AP1M1: variants seen among roughly 807,000 people sequenced by gnomAD.
AP1M1 encodes AP-1 complex subunit mu-1.
AP1M1 carries 18 observed loss-of-function variants against 57.1 expected under a neutral mutation model. The ratio of observed to expected loss-of-function variants is 0.32; its 90% confidence interval spans 0.22 to 0.47. The LOEUF (loss-of-function observed/expected upper bound fraction) is 0.47, where lower values mean the gene tolerates loss of function less well. AP1M1 is among the 20% of genes least tolerant of loss of function. The pLI is 1.00. For missense variants in AP1M1, 362 were observed against 593.5 expected, an observed-to-expected ratio of 0.61 and a Z score of 4.05; for synonymous variants, 241 against 237.9, an observed-to-expected ratio of 1.01 and a Z score of -0.12.
chr19:16,228,293 A>G lies in AP1M1; in HGVS notation c.888+85A>G. ...CCTAACCGAGGGCTGGGGGTGCCGT[A>G]GGGCTGCCATCCGTGCACCCTCACT... is the stretch of plus-strand genomic sequence containing the variant. On this transcript the variant is annotated intron_variant, in intron 8 of 11. Transcript: ENST00000291439. This position sits in a 1 kb window ranked among gnomAD's most constrained non-coding sequence, Gnocchi z 5.0. 2 of 1,401,846 alleles carry G rather than the reference A, an allele frequency of 1.4e-6. No individual in the cohort carries two copies. Among genetic ancestry groups the G allele is most frequent in the South Asian group, 2.4e-5 (2 of 84,314 alleles). 86.8% of individuals were successfully genotyped at this position (1,401,846 alleles called of 1,614,324 possible).
At chr19:16,198,563 T>C (rs1450606672) in intron 1 of AP1M1, among the ~76,000 whole-genome samples, 1 of 152,152 alleles carries the variant, frequency 6.6e-6, no homozygotes, top group African/African-American at 2.4e-5. Flanking sequence ...TTCATTGTGA[T>C]AGTGAGTTAC....
At chr19:16,234,135 G>C in intron 10 of AP1M1, 64 bp from the exon 11 acceptor site, 1 of 1,522,710 alleles carries the variant, frequency 6.6e-7, no homozygotes. Context: ...CAGCAGGAAA[G>C]ATTAAGGGGG....
chr19:16,234,296 G>C (rs1423515998), intron 11 of AP1M1, 22 bp downstream of exon 11: 34 of 1,613,328 alleles, frequency 2.1e-5, no homozygotes, highest in Non-Finnish European at 2.9e-5. Context: ...CCTACCCGTG[G>C]GGTGGGGTTG....
intron 5 of AP1M1, among the ~76,000 whole-genome samples, chr19:16,211,117 CAG>C (rs1430208917): frequency 7.1e-6 from 1 of 141,570 alleles, no homozygotes; most frequent in Non-Finnish European, 1.5e-5. Flanking sequence ...TTTTTTTCGA[CAG>C]AGTCTCACTT....
Position 16,203,712 on chromosome 19 carries a change from G to A in AP1M1, c.199+97G>A. ...TGCAAGCAGGGCTGGTTTGTGCACA[G>A]CGCAAGCATTGGACACAGCCATGCC... is the stretch of plus-strand genomic sequence containing the variant. On this transcript the variant is annotated intron_variant, in intron 2 of 11. Transcript: ENST00000291439. The surrounding 1 kb of genome is among the most constrained non-coding windows in gnomAD (Gnocchi z 4.6). 7.4e-7 allele frequency: 1 copy of A among 1,356,276 alleles called. No individual in the cohort carries two copies. The allele number at this position is 1,356,276 out of a possible 1,614,324, so 84.0% of individuals were successfully genotyped here. A position where few individuals can be genotyped will look rare whatever the true frequency, so the allele number is the denominator to read the frequency against.
chr19:16,206,337 G>A lies in AP1M1; in HGVS notation c.200-4G>A, dbSNP rs1340712236. The A allele has an allele frequency of 6.2e-7, 1 of 1,614,132 alleles. No homozygotes were observed. The highest frequency in any genetic ancestry group is 8.5e-7 in the Non-Finnish European group (1 of 1,179,990). On this transcript the variant is annotated splice_polypyrimidine_tract_variant and splice_region_variant and intron_variant, in intron 2 of 11. Transcript: ENST00000291439. This position sits in a 1 kb window ranked among gnomAD's most constrained non-coding sequence, Gnocchi z 4.3. ...AATGCTCCTTAACTGTGGCCGCCAT[G>A]CAGTGGTTGCCACATCCAAGAAGAA...
At chr19:16,226,904 T>C (rs1318999039) in intron 6 of AP1M1, among the ~76,000 whole-genome samples, 1 of 152,154 alleles carries the variant, frequency 6.6e-6, no homozygotes, top group Non-Finnish European at 1.5e-5. Flanking sequence ...GTGTGGGCCG[T>C]GTGAAGGCCA....
rs976353852 is a variant in AP1M1 at position 16,234,456 on chromosome 19, C to T, written c.*21C>T. On this transcript the variant is annotated 3_prime_UTR_variant, in exon 12 of 12. Transcript: ENST00000291439. ...AGTGAGGGGCTGTCGCAGCCAACAC[C>T]CCGGCCTCGGGGCTCCTGGTGGCAG... The T allele has an allele frequency of 6.2e-7, 1 of 1,613,254 alleles. No individual in the cohort carries two copies. The highest frequency in any genetic ancestry group is 1.7e-5 in the Admixed American group (1 of 59,982).
In AP1M1 at chr19:16,242,167, A is replaced by C. The variant is rs1016754919; in HGVS notation, c.*7732A>C. On this transcript the variant is annotated 3_prime_UTR_variant, in exon 12 of 12. Coordinates refer to ENST00000291439, the MANE Select transcript of AP1M1 (RefSeq NM_032493.4). ...AACTCTGTCTCTACAAAAATTAGCCAGGCATGGTGGCGCACACCTGTAGTC... is the reference window on the plus strand; with the variant it reads ...AACTCTGTCTCTACAAAAATTAGCCCGGCATGGTGGCGCACACCTGTAGTC... 6.6e-6 allele frequency: 1 copy of C among 152,208 alleles called. No homozygotes were observed. Among genetic ancestry groups the C allele is most frequent in the African/African-American group, 2.4e-5 (1 of 41,420 alleles). The allele number at this position is 152,208 out of a possible 1,614,324, so 9.4% of individuals were successfully genotyped here.
chr19:16,219,528 G>A (rs900692595), intron 5 of AP1M1, among the ~76,000 whole-genome samples: 2 of 151,704 alleles, frequency 1.3e-5, no homozygotes, highest in African/African-American at 4.8e-5. Context: ...CTCCCAAGTA[G>A]CTGGGATTAC....
At chr19:16,226,600 C>A in intron 6 of AP1M1, 53 bp downstream of exon 6, 1 of 1,532,030 alleles carries the variant, frequency 6.5e-7, no homozygotes, top group Non-Finnish European at 8.8e-7. Flanking sequence ...ACCAGGCACA[C>A]ACATTACAGC....
intron 1 of AP1M1, 123 bp downstream of exon 1, chr19:16,198,191 C>T: frequency 9.3e-7 from 1 of 1,069,786 alleles, no homozygotes; most frequent in Non-Finnish European, 1.3e-6. Flanking sequence ...GCAGAGAGGC[C>T]GGTAGACCTC....
chr19:16,229,693 AG>A (rs2091587766), intron 9 of AP1M1, among the ~76,000 whole-genome samples: 1 of 152,250 alleles, frequency 6.6e-6, no homozygotes, highest in Admixed American at 6.5e-5. Flanking sequence ...TCCCAGCCTC[AG>A]TCTAATCACA....
chr19:16,224,486 A>G (rs1474240897), intron 5 of AP1M1, among the ~76,000 whole-genome samples: 1 of 152,244 alleles, frequency 6.6e-6, no homozygotes, highest in African/African-American at 2.4e-5. Context: ...AGATGCGATC[A>G]TCTGAGTGCA....
intron 5 of AP1M1, among the ~76,000 whole-genome samples, chr19:16,216,869 G>A (rs945122167): frequency 4.6e-5 from 7 of 152,260 alleles, no homozygotes; most frequent in African/African-American, 1.7e-4. Context: ...GCCAGGCAAA[G>A]CACTTCATAG....
At position 16,227,627 on chromosome 19, in the gene AP1M1, C is replaced by T. The variant is rs1219722059; in HGVS notation, c.753C>T (p.Arg251=). The T allele has an allele frequency of 1.9e-6, 3 of 1,614,108 alleles. No individual in the cohort carries two copies. Among genetic ancestry groups the T allele is most frequent in the Middle Eastern group, 1.7e-4 (1 of 6,060 alleles). ...GGCTATCACGCTTCGAGAATGACCG[C>T]ACCATCTCCTTCATCCCACCCGACG... ...CVRLSRFEND[R]TISFIPPDGE... Residue 251 remains arginine, a synonymous_variant, in exon 7 of 12, where the codon CGC becomes CGT. Coordinates refer to ENST00000291439, the MANE Select transcript of AP1M1 (RefSeq NM_032493.4). This position sits in a 1 kb window ranked among gnomAD's most constrained non-coding sequence, Gnocchi z 6.2.
intron 1 of AP1M1, among the ~76,000 whole-genome samples, chr19:16,201,717 G>A (rs2091448356): frequency 6.6e-6 from 1 of 152,136 alleles, no homozygotes; most frequent in South Asian, 2.1e-4. Context: ...TCCTAGAGGA[G>A]GTGTTATTTG....
At chr19:16,233,719 A>G in intron 10 of AP1M1, 101 bp downstream of exon 10, 1 of 1,415,704 alleles carries the variant, frequency 7.1e-7, no homozygotes. Flanking sequence ...GTCAGCTGCA[A>G]TCAGGACCCT....
chr19:16,209,496 A>G (rs898993501), intron 5 of AP1M1, among the ~76,000 whole-genome samples: 4 of 152,218 alleles, frequency 2.6e-5, no homozygotes, highest in East Asian at 1.9e-4. Flanking sequence ...ACGCTCGGCT[A>G]AAGCTTGTTT....
Sources: allele counts gnomAD v4.1 joint callset (sites outside exome capture counted in the v4.1 genomes callset), GRCh38; gene constraint gnomAD v4.1.1; non-coding constraint Gnocchi (gnomAD v3.1); transcripts MANE v1.5; gene names NCBI Gene and HGNC (gene_info 2026-07-23, HGNC 2026-07-21).